SLCO2A1: variants seen among roughly 807,000 people sequenced by gnomAD.
SLCO2A1 encodes solute carrier organic anion transporter family member 2A1.
In SLCO2A1, 60 loss-of-function variants were observed where a neutral mutation model predicts 71.7. The observed-to-expected ratio is 0.84, with a 90% confidence interval of 0.68 to 1.04. The LOEUF (loss-of-function observed/expected upper bound fraction) is 1.04. Ranked by LOEUF, SLCO2A1 falls within the 50% of genes least tolerant of loss-of-function variation. The pLI, the probability that SLCO2A1 is intolerant of heterozygous loss-of-function variation, is 0.00. For missense variants in SLCO2A1, 745 were observed against 813.4 expected (o/e 0.92, Z 1.02); for synonymous variants, 308 against 326.7 (o/e 0.94, Z 0.62).
chr3:133,994,373 G>A lies in SLCO2A1; in HGVS notation c.97-14755C>T, dbSNP rs1299333269. 2.0e-5 allele frequency among the ~76,000 whole-genome samples: 3 copies of A among 152,144 alleles called. 1 individual carries two copies. Among genetic ancestry groups the A allele is most frequent in the Admixed American group, 1.3e-4 (2 of 15,280 alleles). ...CATGCTGCCTGGGGTGAGCGGGAAT[G>A]TGCTACCGAATTGTTTTTACCAAGA... is the stretch of plus-strand genomic sequence containing the variant. On this transcript the variant is annotated intron_variant, in intron 1 of 13. Coordinates refer to ENST00000310926, the MANE Select transcript of SLCO2A1 (RefSeq NM_005630.3).
At chr3:133,935,726 C>A in intron 13 of SLCO2A1, 48 bp downstream of exon 13, 1 of 1,508,046 alleles carries the variant, frequency 6.6e-7, no homozygotes, top group South Asian at 1.4e-5. Flanking sequence ...ACTGTCATCT[C>A]AAGCCCAGGG....
rs576400907 is a variant in SLCO2A1, at chr3:133,997,546, T to C, written c.97-17928A>G. 3.9e-4 allele frequency among the ~76,000 whole-genome samples: 59 copies of C among 151,954 alleles called. No homozygotes were observed. The South Asian group carries it at 0.012, about 31-fold the overall frequency. ...TTGACAATCGAGGCAGAAGCTGGAG[T>C]AGGGTGTCTGCAAGCCAAGGAACAC... On this transcript the variant is annotated intron_variant, in intron 1 of 13. Transcript: ENST00000310926.
At chr3:133,978,513 GCTGGGGAGAGGAGATAC>G (rs1934512094) in intron 2 of SLCO2A1, among the ~76,000 whole-genome samples, 1 of 152,166 alleles carries the variant, frequency 6.6e-6, no homozygotes, top group African/African-American at 2.4e-5. Flanking sequence ...GCAGGAGAAG[GCTGGGGAGAGGAGATAC>G]CTGCCTTCTT....
chr3:133,982,354 T>C (rs988073163), intron 1 of SLCO2A1, among the ~76,000 whole-genome samples: 1 of 152,166 alleles, frequency 6.6e-6, no homozygotes, highest in African/African-American at 2.4e-5. Context: ...CACCTGCTCA[T>C]AGGCAATCCC....
At chr3:134,024,150 C>T (rs948345139) in intron 1 of SLCO2A1, among the ~76,000 whole-genome samples, 4 of 152,248 alleles carry the variant, frequency 2.6e-5, no homozygotes, top group African/African-American at 9.6e-5. Context: ...CTTTACTGGG[C>T]ACTCTGCTGA....
chr3:133,986,715 A>G (rs775425552), intron 1 of SLCO2A1, among the ~76,000 whole-genome samples: 4 of 152,220 alleles, frequency 2.6e-5, no homozygotes, highest in Non-Finnish European at 4.4e-5. Flanking sequence ...GATGCAAGGT[A>G]AATTTGGGGG....
chr3:133,961,795 T>C lies in SLCO2A1; in HGVS notation c.398-6602A>G, dbSNP rs530395053. Reference sequence around the variant, plus strand: ...ATTCAAGATCTTCCAAAGAACTTTCTTCCTTATGCCAACTCAATAGGGCCC... The same window carrying C: ...ATTCAAGATCTTCCAAAGAACTTTCCTCCTTATGCCAACTCAATAGGGCCC... On this transcript the variant is annotated intron_variant, in intron 3 of 13. Coordinates refer to ENST00000310926, the MANE Select transcript of SLCO2A1 (RefSeq NM_005630.3). Among the ~76,000 whole-genome samples the C allele has an allele frequency of 1.5e-4, 23 of 152,350 alleles. No individual in the cohort carries two copies. The South Asian group carries it at 2.7e-3, about 18-fold the overall frequency.
chr3:133,934,755 C>A lies in SLCO2A1; in HGVS notation c.1890G>T (p.Lys630Asn). 2 of 1,613,554 alleles carry A rather than the reference C, an allele frequency of 1.2e-6. No individual in the cohort carries two copies. Among genetic ancestry groups the A allele is most frequent in the South Asian group, 1.1e-5 (1 of 91,050 alleles). The part of the protein sequence containing the change: ...LLCFISWRVK[K>N]NKEYNVQKAA... ...CCTTCTGCACGTTGTACTCCTTGTT[C>A]TTCTTCACCCTCCAGCTGATGAAGC... Residue 630 changes from lysine (K) to asparagine (N), a missense_variant, in exon 14 of 14, where the codon AAG becomes AAT. Coordinates refer to ENST00000310926, the MANE Select transcript of SLCO2A1 (RefSeq NM_005630.3).
intron 2 of SLCO2A1, 123 bp downstream of exon 2, chr3:133,979,358 C>A (rs1330031208): frequency 2.4e-6 from 3 of 1,240,716 alleles, no homozygotes; most frequent in East Asian, 2.3e-5. Context: ...TTTGCTGTTA[C>A]CCGGCAGAAA....
In SLCO2A1 at chr3:133,934,731, C is replaced by T; in HGVS notation, c.1914G>A (p.Lys638=). The T allele has an allele frequency of 6.2e-7, 1 of 1,613,630 alleles. No homozygotes were observed. Residue 638 remains lysine (K), a synonymous_variant, in exon 14 of 14, where the codon AAG becomes AAA. Transcript: ENST00000310926. The stretch of plus-strand genomic sequence containing the variant: ...GGTGGGGTCAGATGAGGCCTGCCGC[C>T]TTCTGCACGTTGTACTCCTTGTTCT... ...VKKNKEYNVQ[K]AAGLI
chr3:134,027,443 G>T (rs763634250), intron 1 of SLCO2A1, among the ~76,000 whole-genome samples: 1 of 152,156 alleles, frequency 6.6e-6, no homozygotes, highest in Non-Finnish European at 1.5e-5. Context: ...CCCCAGTCAC[G>T]TACCCACTGT....
chr3:133,951,074 G>T, intron 6 of SLCO2A1, 134 bp downstream of exon 6: 1 of 1,209,446 alleles, frequency 8.3e-7, no homozygotes, highest in Non-Finnish European at 1.2e-6. Flanking sequence ...GGGAAGTCCT[G>T]CATCATGAAA....
At position 133,955,202 on chromosome 3, in the gene SLCO2A1, A is replaced by C. The variant is rs1323484620; in HGVS notation, c.398-9T>G. 1 of 1,608,884 alleles carries C rather than the reference A, an allele frequency of 6.2e-7. No homozygotes were observed. Among genetic ancestry groups the C allele is most frequent in the Admixed American group, 1.7e-5 (1 of 59,622 alleles). On this transcript the variant is annotated splice_polypyrimidine_tract_variant and intron_variant, in intron 3 of 13. Transcript: ENST00000310926. ...CAAGCGGCTGTTGTTCCCTGCAACG[A>C]GAGTGCTTGCTGGTCTCCACCACCC...
chr3:133,972,145 A>C (rs1934341022), intron 3 of SLCO2A1, among the ~76,000 whole-genome samples: 1 of 152,214 alleles, frequency 6.6e-6, no homozygotes, highest in Admixed American at 6.5e-5. Flanking sequence ...AAGAAATCAT[A>C]AGGAAACACC....
At chr3:133,970,583 GC>G (rs1385064263) in intron 3 of SLCO2A1, among the ~76,000 whole-genome samples, 1 of 152,204 alleles carries the variant, frequency 6.6e-6, no homozygotes. Flanking sequence ...TGGTGCACTG[GC>G]ACCGTGTGCA....
intron 3 of SLCO2A1, among the ~76,000 whole-genome samples, chr3:133,959,975 G>C (rs4365626): frequency 1 from 152,106 of 152,128 alleles, 76,042 homozygotes; most frequent in Non-Finnish European, 1. Flanking sequence ...AAAAAATTAG[G>C]TGGGCATGGT....
intron 5 of SLCO2A1, 100 bp from the exon 6 acceptor site, chr3:133,951,444 C>T (rs1336196999): frequency 2.1e-6 from 3 of 1,431,618 alleles, no homozygotes; most frequent in African/African-American, 1.4e-5. Context: ...GATTTTCTTC[C>T]CAGGATGCAG....
chr3:134,014,988 G>T (rs552380000), intron 1 of SLCO2A1, among the ~76,000 whole-genome samples: 2 of 152,280 alleles, frequency 1.3e-5, no homozygotes, highest in South Asian at 4.1e-4. Context: ...AAATACATAA[G>T]ATCCCCTCAC....
In SLCO2A1 at chr3:134,023,440, TC is replaced by T. The variant is rs554525361; in HGVS notation, c.96+6266del. Among the ~76,000 whole-genome samples, 247 of 152,258 alleles carry T rather than the reference TC, an allele frequency of 1.6e-3. 1 individual carries two copies. Among genetic ancestry groups the T allele is most frequent in the African/African-American group, 5.6e-3 (231 of 41,548 alleles). On this transcript the variant is annotated intron_variant, in intron 1 of 13. Coordinates refer to ENST00000310926, the MANE Select transcript of SLCO2A1 (RefSeq NM_005630.3). ...TTTCTGCTTTAGAAAAGTACTTCTG[TC>T]CCTCCTGACTCTCCTCAGACTGGGC...
Sources: gnomAD v4.1 joint callset for allele counts (sites outside exome capture counted in the v4.1 genomes callset) on GRCh38, gnomAD v4.1.1 for gene constraint, MANE v1.5 for transcripts, NCBI Gene and HGNC (gene_info 2026-07-23, HGNC 2026-07-21) for gene names.